The following PPP1CC variants were observed in gnomAD, a reference collection of about 807,000 sequenced individuals.
PPP1CC encodes the protein serine/threonine-protein phosphatase PP1-gamma catalytic subunit.
PPP1CC carries 16 observed loss-of-function variants against 38.4 expected under a neutral mutation model. That is an observed-to-expected ratio of 0.42 (90% CI 0.28 to 0.63). The LOEUF (loss-of-function observed/expected upper bound fraction) is 0.63, where lower values mean the gene tolerates loss of function less well. PPP1CC is among the 30% of genes least tolerant of loss of function. PPP1CC has a pLI of 0.25. For missense variants in PPP1CC, 170 were observed against 391.3 expected (o/e 0.43, Z 4.77); for synonymous variants, 158 against 136.0 (o/e 1.16, Z -1.13).
intron 1 of PPP1CC, among the ~76,000 whole-genome samples, chr12:110,740,883 T>C (rs898215592): frequency 2.0e-4 from 31 of 152,330 alleles, no homozygotes; most frequent in African/African-American, 7.5e-4. Flanking sequence ...AATTCCAACT[T>C]TTCCTGTTTC....
intron 3 of PPP1CC, chr12:110,725,017 A>T (rs1195892084): frequency 1.8e-5 from 5 of 281,730 alleles, no homozygotes; most frequent in Non-Finnish European, 3.4e-5. Flanking sequence ...TGAGCCCAGG[A>T]GTTCAAGACC....
At chr12:110,740,066 A>G (rs1472952321) in intron 1 of PPP1CC, among the ~76,000 whole-genome samples, 1 of 152,232 alleles carries the variant, frequency 6.6e-6, no homozygotes, top group Non-Finnish European at 1.5e-5. Context: ...TTAGTGACTA[A>G]GATCTAAACC....
Position 110,722,443 on chromosome 12 carries a change from A to G in PPP1CC, c.747+29T>C, listed in dbSNP as rs983568808. 1 of 1,597,246 alleles carries G rather than the reference A, an allele frequency of 6.3e-7. No individual in the cohort carries two copies. On this transcript the variant is annotated intron_variant, in intron 5 of 6. Transcript: ENST00000335007. This position sits in a 1 kb window ranked among gnomAD's most constrained non-coding sequence, Gnocchi z 5.4. The stretch of plus-strand genomic sequence containing the variant: ...ATCTGTGCTCACACACATGCTCTTA[A>G]GTGTACATGTAAAATTCAAAATCAA...
chr12:110,728,411 A>C (rs977731360), intron 3 of PPP1CC, among the ~76,000 whole-genome samples: 6 of 146,876 alleles, frequency 4.1e-5, no homozygotes, highest in African/African-American at 1.3e-4. Context: ...AAAAAAAAAA[A>C]AAACAAAAAA....
At chr12:110,742,513 C>A in intron 1 of PPP1CC, 140 bp downstream of exon 1, 12 of 663,972 alleles carry the variant, frequency 1.8e-5, no homozygotes, top group Non-Finnish European at 2.7e-5. Context: ...CAGTCCCCGG[C>A]CCGTGGGCCA....
chr12:110,733,356 C>G (rs374083605), intron 1 of PPP1CC, among the ~76,000 whole-genome samples: 1 of 152,172 alleles, frequency 6.6e-6, no homozygotes, highest in Admixed American at 6.5e-5. Flanking sequence ...ATAGCTGACT[C>G]TAAGTCTTCT....
chr12:110,733,742 G>A (rs2136559251), intron 1 of PPP1CC, among the ~76,000 whole-genome samples: 1 of 152,234 alleles, frequency 6.6e-6, no homozygotes, highest in South Asian at 2.1e-4. Context: ...GGCCCCCCAA[G>A]TGCCGGGATT....
At chr12:110,736,040 G>A (rs1235248662) in intron 1 of PPP1CC, among the ~76,000 whole-genome samples, 1 of 151,166 alleles carries the variant, frequency 6.6e-6, no homozygotes, top group South Asian at 2.1e-4. Context: ...TCCAGCCTGG[G>A]GAACAAGAAT....
At chr12:110,721,672 A>G (rs2069740516) in intron 6 of PPP1CC, 1 of 181,038 alleles carries the variant, frequency 5.5e-6, no homozygotes, top group Non-Finnish European at 1.1e-5. Flanking sequence ...AATGAGAAAA[A>G]GGCTGAGGCA....
At position 110,722,288 on chromosome 12, in the gene PPP1CC, T is replaced by G. The variant is rs372076241; in HGVS notation, c.748-19A>C. On this transcript the variant is annotated intron_variant, in intron 5 of 6. Transcript: ENST00000335007. The surrounding 1 kb of genome is among the most constrained non-coding windows in gnomAD (Gnocchi z 5.4). ...CAACCACCTTGAAGAGAAAATTTTTTCAATATAAATAGGTGCAAATATTAG... is the reference window on the plus strand; with the variant it reads ...CAACCACCTTGAAGAGAAAATTTTTGCAATATAAATAGGTGCAAATATTAG... The G allele has an allele frequency of 6.2e-7, 1 of 1,611,030 alleles. No individual in the cohort carries two copies. The highest frequency in any genetic ancestry group is 1.3e-5 in the African/African-American group (1 of 74,778).
In PPP1CC at chr12:110,721,096, T is replaced by G. The variant is rs1326844507; in HGVS notation, c.952A>C (p.Thr318Pro). 3 of 1,613,942 alleles carry G rather than the reference T, an allele frequency of 1.9e-6. No individual in the cohort carries two copies. The highest frequency in any genetic ancestry group is 2.5e-6 in the Non-Finnish European group (3 of 1,179,810). Residue 318 changes from threonine to proline, a missense_variant, in exon 7 of 7, where the codon ACA becomes CCA. Physicochemically the swap from Thr to Pro is conservative, Grantham distance 38. Around this residue, in one of 3 missense-constraint regions of PPP1CC, gnomAD observed 23 missense variants for 24.0 expected, o/e 0.96. Transcript: ENST00000335007. The part of the protein sequence containing the change: ...RPVTPPRGMI[T>P]KQAKK ...GACATCTATTTCTTTGCTTGCTTTG[T>G]GATCATACCCCTTGGAGGCGTTACA...
rs1593589754 is a variant in PPP1CC at position 110,742,777 on chromosome 12, T to C, written c.-70A>G. The C allele has an allele frequency of 8.1e-7, 1 of 1,239,606 alleles. No homozygotes were observed. Among genetic ancestry groups the C allele is most frequent in the Non-Finnish European group, 1.0e-6 (1 of 957,460 alleles). The allele number at this position is 1,239,606 out of a possible 1,614,324, so 76.8% of individuals were successfully genotyped here. A position where few individuals can be genotyped will look rare whatever the true frequency, so the allele number is the denominator to read the frequency against. ...TCGCGCCCGGGACTCACACCTCCTT[T>C]CCCACGCCACGAGCAGAGGCGGTGG... On this transcript the variant is annotated 5_prime_UTR_variant, in exon 1 of 7. Coordinates refer to ENST00000335007, the MANE Select transcript of PPP1CC (RefSeq NM_002710.4).
chr12:110,739,016 G>A (rs1160401262), intron 1 of PPP1CC, among the ~76,000 whole-genome samples: 2 of 152,158 alleles, frequency 1.3e-5, no homozygotes, highest in Non-Finnish European at 2.9e-5. Flanking sequence ...AAAATTACCT[G>A]CTCTGTAAAC....
rs1245115524 is a variant in PPP1CC, at chr12:110,731,864, C to T, written c.93G>A (p.Gln31=). ...GSKPGKNVQL[Q]ENEIRGLCLK... The stretch of plus-strand genomic sequence containing the variant: ...AGCACAGTCCTCTGATTTCATTCTC[C>T]TGAAGCTGGACATTCTTACCAGGCT... Residue 31 remains glutamine (Q), a synonymous_variant, in exon 2 of 7, where the codon CAG becomes CAA. Coordinates refer to ENST00000335007, the MANE Select transcript of PPP1CC (RefSeq NM_002710.4). 6 of 1,613,732 alleles carry T rather than the reference C, an allele frequency of 3.7e-6. No homozygotes were observed. Among genetic ancestry groups the T allele is most frequent in the Non-Finnish European group, 5.1e-6 (6 of 1,179,746 alleles).
At chr12:110,715,218 G>A (rs1045225224), downstream of PPP1CC, among the ~76,000 whole-genome samples, 1 of 152,088 alleles carries the variant, frequency 6.6e-6, no homozygotes, top group Non-Finnish European at 1.5e-5. Flanking sequence ...CACCAAATAT[G>A]CATTTTGGCT....
Position 110,720,124 on chromosome 12 carries a change from G to A in PPP1CC, c.*952C>T. ...GAATAAAGAATGTAGGCCAAAGAAAGCATAATCGGTCACTCGTATAGAACA... is the reference window on the plus strand; with the variant it reads ...GAATAAAGAATGTAGGCCAAAGAAAACATAATCGGTCACTCGTATAGAACA... On this transcript the variant is annotated 3_prime_UTR_variant, in exon 7 of 7. Coordinates refer to ENST00000335007, the MANE Select transcript of PPP1CC (RefSeq NM_002710.4). 6.5e-7 allele frequency: 1 copy of A among 1,544,756 alleles called. No homozygotes were observed. The highest frequency in any genetic ancestry group is 8.7e-7 in the Non-Finnish European group (1 of 1,150,630).
chr12:110,729,636 A>G (rs1008422725), intron 3 of PPP1CC, among the ~76,000 whole-genome samples: 2 of 152,256 alleles, frequency 1.3e-5, no homozygotes, highest in Non-Finnish European at 1.5e-5. Context: ...TAGGAAAGTT[A>G]TTGCCATTCT....
At chr12:110,708,632 T>C in the PPP1CC span, among the ~76,000 whole-genome samples, 1 of 152,048 alleles carries the variant, frequency 6.6e-6, no homozygotes, top group East Asian at 1.9e-4. Context: ...GCAGATTACT[T>C]GAGGTCAGGA....
At chr12:110,727,856 G>A (rs943515980) in intron 3 of PPP1CC, among the ~76,000 whole-genome samples, 1 of 152,144 alleles carries the variant, frequency 6.6e-6, no homozygotes, top group Non-Finnish European at 1.5e-5. Context: ...TGATGAGAGA[G>A]AGGAAGCTTG....
Sources: gnomAD v4.1 joint callset for allele counts (sites outside exome capture counted in the v4.1 genomes callset) on GRCh38, gnomAD v4.1.1 for gene constraint, gnomAD v4.1.1 regional missense constraint, Gnocchi (gnomAD v3.1) non-coding constraint, MANE v1.5 for transcripts, NCBI Gene and HGNC (gene_info 2026-07-23, HGNC 2026-07-21) for gene names.